Variants in ARHGAP39 observed in about 807,000 individuals in gnomAD.
ARHGAP39 encodes rho GTPase-activating protein 39.
A neutral mutation model predicts 106.9 loss-of-function variants in ARHGAP39; 44 were observed. The observed-to-expected ratio is 0.41, with a 90% CI of 0.32 to 0.53. The LOEUF is 0.53. Ranked by LOEUF, ARHGAP39 falls within the 20% of genes least tolerant of loss-of-function variation. The pLI, the probability that ARHGAP39 is intolerant of heterozygous loss-of-function variation, is 0.21. For synonymous variants in ARHGAP39, 768 were observed against 693.2 expected (o/e 1.11, Z -1.69); for missense variants, 1,496 against 1,577.3 (o/e 0.95, Z 0.87).
intron 1 of ARHGAP39, among the ~76,000 whole-genome samples, chr8:144,635,706 A>G (rs1821156615): frequency 6.6e-6 from 1 of 152,172 alleles, no homozygotes; most frequent in Admixed American, 6.5e-5. Context: ...CCCGCTAGGT[A>G]GACAGTGTGG....
chr8:144,537,614 C>CAA, intron 7 of ARHGAP39, 107 bp downstream of exon 7: 10 of 954,314 alleles, frequency 1.0e-5, no homozygotes, highest in Non-Finnish European at 1.4e-5. Context: ...TTAGTGGCCC[C>CAA]ATCCCCCCCG....
chr8:144,598,609 C>T (rs1319549926), intron 2 of ARHGAP39, among the ~76,000 whole-genome samples: 2 of 152,198 alleles, frequency 1.3e-5, no homozygotes, highest in African/African-American at 2.4e-5. Context: ...ATGTGGAAAA[C>T]AAACAGGTCA....
At chr8:144,566,280 T>C (rs1234655089) in intron 3 of ARHGAP39, among the ~76,000 whole-genome samples, 1 of 151,810 alleles carries the variant, frequency 6.6e-6, no homozygotes, top group East Asian at 1.9e-4. Context: ...ATAAAGGAGC[T>C]AGAGCCAGGT....
At position 144,684,423 on chromosome 8, in the gene ARHGAP39, C is replaced by G. The variant is rs1382690026; in HGVS notation, c.-82+1263G>C. Among the ~76,000 whole-genome samples, 1 of 152,220 alleles carries G rather than the reference C, an allele frequency of 6.6e-6. No homozygotes were observed. The highest frequency in any genetic ancestry group is 1.5e-5 in the Non-Finnish European group (1 of 68,040). On this transcript the variant is annotated intron_variant, in intron 1 of 11. Coordinates refer to ENST00000377307, the MANE Select transcript of ARHGAP39 (RefSeq NM_025251.3). This position sits in a 1 kb window ranked among gnomAD's most constrained non-coding sequence, Gnocchi z 4.4. ...AATTCCCCTCACTGGCTTCAAAAGACAAATCTCCGTATTGTTGTACCAGGA... is the reference window on the plus strand; with the variant it reads ...AATTCCCCTCACTGGCTTCAAAAGAGAAATCTCCGTATTGTTGTACCAGGA...
intron 1 of ARHGAP39, among the ~76,000 whole-genome samples, chr8:144,640,313 C>T (rs1230702984): frequency 1.3e-5 from 2 of 152,166 alleles, no homozygotes; most frequent in Non-Finnish European, 2.9e-5. Flanking sequence ...ATAATTCCCA[C>T]ATGTTGGGGG....
chr8:144,623,506 G>C (rs755304097), intron 1 of ARHGAP39, among the ~76,000 whole-genome samples: 7 of 152,232 alleles, frequency 4.6e-5, no homozygotes, highest in Non-Finnish European at 8.8e-5. Flanking sequence ...ATCGAGGCTG[G>C]CTCTGTGGAT....
At position 144,548,374 on chromosome 8, in the gene ARHGAP39, G is replaced by A. The variant is rs763176123; in HGVS notation, c.712C>T (p.Pro238Ser). ...QGNGYAPDGPPGVRSRRPSGS... is the reference protein window; with the variant it reads ...QGNGYAPDGPSGVRSRRPSGS... ...GAGGGTCTGCGGGAGCGGACCCCAG[G>A]TGGGCCGTCTGGGGCGTAGCCATTG... The change falls in exon 5 of 12, where the codon CCT becomes TCT. Residue 238 changes from proline to serine, a missense_variant. Transcript: ENST00000377307. This position sits in a 1 kb window ranked among gnomAD's most constrained non-coding sequence, Gnocchi z 7.4. The A allele has an allele frequency of 3.7e-6, 6 of 1,609,366 alleles. No individual in the cohort carries two copies. The highest frequency in any genetic ancestry group is 3.4e-6 in the Non-Finnish European group (4 of 1,178,392).
chr8:144,559,100 C>G (rs568666834), intron 3 of ARHGAP39, among the ~76,000 whole-genome samples: 42 of 151,738 alleles, frequency 2.8e-4, no homozygotes, highest in African/African-American at 9.4e-4. Flanking sequence ...CCCAGCTACT[C>G]GGGAGGCTGA....
chr8:144,619,917 C>T (rs574789334), intron 1 of ARHGAP39, among the ~76,000 whole-genome samples: 55 of 124,266 alleles, frequency 4.4e-4, no homozygotes, highest in South Asian at 1.4e-3. Flanking sequence ...CGTGTGTGCC[C>T]GTGTGCGTGT....
intron 3 of ARHGAP39, among the ~76,000 whole-genome samples, chr8:144,571,397 C>A (rs1402915259): frequency 6.6e-6 from 1 of 152,166 alleles, no homozygotes; most frequent in Non-Finnish European, 1.5e-5. Context: ...CCACGATTAT[C>A]TCAATAGATG....
At position 144,534,004 on chromosome 8, in the gene ARHGAP39, G is replaced by A. The variant is rs557146971; in HGVS notation, c.2688+125C>T. The A allele has an allele frequency of 7.1e-5, 77 of 1,081,902 alleles. 2 individuals carry two copies. Among genetic ancestry groups the A allele is most frequent in the African/African-American group, 5.3e-4 (34 of 63,856 alleles). The allele number at this position is 1,081,902 out of a possible 1,614,324, so 67.0% of individuals were successfully genotyped here. A position where few individuals can be genotyped will look rare whatever the true frequency, so the allele number is the denominator to read the frequency against. ...AGCGTACCCCGCCACCCGCCTAGGC[G>A]GGCTCCATGTGGCACCCTCTGCGCT... is the stretch of plus-strand genomic sequence containing the variant. On this transcript the variant is annotated intron_variant, in intron 8 of 11. Transcript: ENST00000377307.
chr8:144,601,761 CTGTG>C lies in ARHGAP39; in HGVS notation c.80+3770_80+3773del, dbSNP rs530715581. On this transcript the variant is annotated intron_variant, in intron 2 of 11. Transcript: ENST00000377307. Reference sequence around the variant, plus strand: ...CGTGGAGGCGTGTGTGCTCGTGAACCTGTGTGTGTGCGTGGAGGCATGCGTGTGT... The same window carrying C: ...CGTGGAGGCGTGTGTGCTCGTGAACCTGTGTGCGTGGAGGCATGCGTGTGT... Among the ~76,000 whole-genome samples the C allele has an allele frequency of 9.9e-5, 12 of 120,890 alleles. No homozygotes were observed. The South Asian group carries it at 2.0e-3, about 20-fold the overall frequency. The allele number at this position is 120,890 out of a possible 152,430, so 79.3% of individuals were successfully genotyped here.
chr8:144,624,366 G>GAAT (rs72543670), intron 1 of ARHGAP39, among the ~76,000 whole-genome samples: 3 of 151,986 alleles, frequency 2.0e-5, no homozygotes, highest in Non-Finnish European at 4.4e-5. Flanking sequence ...AAAGAGGAAA[G>GAAT]AGGAAGCATG....
Position 144,529,202 on chromosome 8 carries a change from A to G in ARHGAP39, c.*1220T>C, listed in dbSNP as rs1274323515. ...CGCAGGGTCCATGTGCACTTTATTC[A>G]CTCGTGTCGTCGCCTCTCGGGTCCA... On this transcript the variant is annotated 3_prime_UTR_variant, in exon 12 of 12. Transcript: ENST00000377307. 3 of 305,520 alleles carry G rather than the reference A, an allele frequency of 9.8e-6. No homozygotes were observed. The highest frequency in any genetic ancestry group is 1.0e-4 in the South Asian group (1 of 10,012). The allele number at this position is 305,520 out of a possible 1,614,324, so 18.9% of individuals were successfully genotyped here.
intron 1 of ARHGAP39, among the ~76,000 whole-genome samples, chr8:144,618,756 G>A (rs749244636): frequency 3.3e-5 from 5 of 152,264 alleles, no homozygotes; most frequent in Admixed American, 1.3e-4. Context: ...GGGAGGCGCA[G>A]TGCTGGGCTT....
rs944324910 is a variant in ARHGAP39, at chr8:144,684,311, G to T, written c.-82+1375C>A. On this transcript the variant is annotated intron_variant, in intron 1 of 11. Transcript: ENST00000377307. This position sits in a 1 kb window ranked among gnomAD's most constrained non-coding sequence, Gnocchi z 4.4. Reference sequence around the variant, plus strand: ...TCAAATCGCCTTTCCCTCCCCCGGCGCGAGAATCGCACCTTGCTCCTTGTG... The same window carrying T: ...TCAAATCGCCTTTCCCTCCCCCGGCTCGAGAATCGCACCTTGCTCCTTGTG... 1.1e-4 allele frequency among the ~76,000 whole-genome samples: 17 copies of T among 152,220 alleles called. No individual in the cohort carries two copies. Among genetic ancestry groups the T allele is most frequent in the African/African-American group, 4.1e-4 (17 of 41,458 alleles).
chr8:144,551,042 A>G (rs539140291), intron 4 of ARHGAP39, among the ~76,000 whole-genome samples: 4 of 152,352 alleles, frequency 2.6e-5, no homozygotes, highest in African/African-American at 9.6e-5. Context: ...CCCTCGGTCA[A>G]TGCGAACCAT....
chr8:144,569,240 C>T (rs1248231007), intron 3 of ARHGAP39, among the ~76,000 whole-genome samples: 1 of 152,172 alleles, frequency 6.6e-6, no homozygotes, highest in African/African-American at 2.4e-5. Flanking sequence ...ACTGATTCAT[C>T]AGGAGCACAT....
chr8:144,696,059 G>A, the ARHGAP39 span, among the ~76,000 whole-genome samples: 1 of 152,166 alleles, frequency 6.6e-6, no homozygotes, highest in East Asian at 1.9e-4. Flanking sequence ...GTGAAAACAA[G>A]CTTGGGGATT....
Sources: allele counts gnomAD v4.1 joint callset (sites outside exome capture counted in the v4.1 genomes callset), GRCh38; gene constraint gnomAD v4.1.1; non-coding constraint Gnocchi (gnomAD v3.1); transcripts MANE v1.5; gene names NCBI Gene and HGNC (gene_info 2026-07-23, HGNC 2026-07-21).